MTCH2: variants seen among roughly 807,000 people sequenced by gnomAD.
MTCH2 encodes mitochondrial carrier homolog 2.
A neutral mutation model predicts 50.6 loss-of-function variants in MTCH2; 25 were observed. That is an observed-to-expected ratio of 0.49 (90% CI 0.36 to 0.69). The LOEUF (loss-of-function observed/expected upper bound fraction) is 0.69. Among genes scored for constraint, MTCH2 ranks in the 30% least tolerant of loss-of-function variants. The pLI is 0.00. For synonymous variants in MTCH2, 106 were observed against 132.0 expected (o/e 0.80, Z 1.35); for missense variants, 273 against 384.4 (o/e 0.71, Z 2.42).
chr11:47,607,441 A>C, the MTCH2 span, among the ~76,000 whole-genome samples: 1 of 152,130 alleles, frequency 6.6e-6, no homozygotes, highest in African/African-American at 2.4e-5. Flanking sequence ...CTCTGAGAAG[A>C]GTGTGGGGGC....
At chr11:47,628,783 G>A (rs983477920) in intron 9 of MTCH2, among the ~76,000 whole-genome samples, 170 bp downstream of exon 9, 24 of 152,068 alleles carry the variant, frequency 1.6e-4, no homozygotes, top group Admixed American at 4.6e-4. Flanking sequence ...TCACCATGTT[G>A]GCCAGGCTGG....
At position 47,618,528 on chromosome 11, in the gene MTCH2, C is replaced by A. The variant is rs1183526583; in HGVS notation, c.*305G>T. ...CATTTTACAAAGCCTTAAATTGAGACTCAAAAATCACATGACAAAGTGCCT... is the reference window on the plus strand; with the variant it reads ...CATTTTACAAAGCCTTAAATTGAGAATCAAAAATCACATGACAAAGTGCCT... On this transcript the variant is annotated 3_prime_UTR_variant, in exon 13 of 13. Transcript: ENST00000302503. 3 of 316,500 alleles carry A rather than the reference C, an allele frequency of 9.5e-6. No homozygotes were observed. Among genetic ancestry groups the A allele is most frequent in the Admixed American group, 5.0e-5 (1 of 19,952 alleles). 19.6% of individuals were successfully genotyped at this position (316,500 alleles called of 1,614,324 possible). A position where few individuals can be genotyped will look rare whatever the true frequency, so the allele number is the denominator to read the frequency against.
At chr11:47,631,787 A>C in intron 5 of MTCH2, 76 bp from the exon 6 acceptor site, 1 of 1,479,730 alleles carries the variant, frequency 6.8e-7, no homozygotes, top group Non-Finnish European at 9.4e-7. Flanking sequence ...ATGTGGGTGG[A>C]TATCGTGGTA....
At chr11:47,637,367 T>C (rs1481867526) in intron 3 of MTCH2, among the ~76,000 whole-genome samples, 12 of 152,184 alleles carry the variant, frequency 7.9e-5, no homozygotes, top group African/African-American at 1.7e-4. Flanking sequence ...GGAAAACGCA[T>C]GACCAATACC....
chr11:47,631,815 T>A (rs972848208), intron 5 of MTCH2, 104 bp from the exon 6 acceptor site: 19 of 1,177,968 alleles, frequency 1.6e-5, no homozygotes, highest in Non-Finnish European at 2.1e-5. Flanking sequence ...AGAAAGTGAA[T>A]GACACAGCCC....
chr11:47,614,637 G>A (rs188308537), downstream of MTCH2, among the ~76,000 whole-genome samples: 3 of 151,982 alleles, frequency 2.0e-5, no homozygotes, highest in South Asian at 2.1e-4. Flanking sequence ...GCCGGAGTAC[G>A]TTGGCGCAAC....
At chr11:47,609,461 A>C in the MTCH2 span, among the ~76,000 whole-genome samples, 1 of 144,198 alleles carries the variant, frequency 6.9e-6, no homozygotes, top group African/African-American at 2.5e-5. Flanking sequence ...CTGTATCAAA[A>C]AAAAAAAAAA....
rs186199064 is a variant in MTCH2 at position 47,621,682 on chromosome 11, G to A, written c.825+1019C>T. 1.1e-3 allele frequency among the ~76,000 whole-genome samples: 167 copies of A among 152,098 alleles called. 1 individual carries two copies. Among genetic ancestry groups the A allele is most frequent in the Middle Eastern group, 3.4e-3 (1 of 294 alleles). On this transcript the variant is annotated intron_variant, in intron 12 of 12. Transcript: ENST00000302503. ...ACTCCTGACCTCAAGTGATCTGCCC[G>A]CCTTGGCCTCCCAAAGTGCTGGGAT...
At chr11:47,615,275 T>C (rs2097287722), downstream of MTCH2, among the ~76,000 whole-genome samples, 2 of 152,156 alleles carry the variant, frequency 1.3e-5, no homozygotes, top group Non-Finnish European at 2.9e-5. Flanking sequence ...TGGCCTGTTT[T>C]AAAGGACTAA....
intron 4 of MTCH2, 45 bp from the exon 5 acceptor site, chr11:47,634,779 T>TTC (rs1319480518): frequency 2.8e-6 from 4 of 1,426,246 alleles, no homozygotes; most frequent in Non-Finnish European, 3.8e-6. Flanking sequence ...ATTTTTTTTT[T>TTC]TTTTTTTTTT....
chr11:47,617,135 G>A (rs1352921283), downstream of MTCH2, among the ~76,000 whole-genome samples: 3 of 152,188 alleles, frequency 2.0e-5, no homozygotes, highest in African/African-American at 4.8e-5. Context: ...GACTGAAACA[G>A]CTGGACTAGT....
intron 12 of MTCH2, among the ~76,000 whole-genome samples, chr11:47,622,482 T>C (rs979967248): frequency 6.6e-6 from 1 of 152,180 alleles, no homozygotes; most frequent in South Asian, 2.1e-4. Context: ...TTCTTTCTTC[T>C]TCATTACTCC....
intron 3 of MTCH2, among the ~76,000 whole-genome samples, chr11:47,636,159 T>C (rs1598852461): frequency 6.7e-6 from 1 of 149,198 alleles, no homozygotes; most frequent in Admixed American, 6.7e-5. Flanking sequence ...GAAGGCTGGG[T>C]GCGGTAGCTC....
intron 1 of MTCH2, among the ~76,000 whole-genome samples, chr11:47,640,743 T>G (rs534629672): frequency 1.3e-5 from 2 of 152,020 alleles, no homozygotes; most frequent in Admixed American, 1.3e-4. Flanking sequence ...CAACTGAGCA[T>G]TTGGGAATTT....
Position 47,628,972 on chromosome 11 carries a change from G to A in MTCH2, c.614C>T (p.Thr205Ile). ...ACCTACCCCACTGTCCAGTGCATAG[G>A]TATTGACGAGGTAGGCCAGTGAGTT... ...LCNSLAYLVN[T>I]YALDSGVSTM... The change falls in exon 9 of 13, where the codon ACC becomes ATC. Residue 205 changes from threonine to isoleucine, a missense_variant. Thr to Ile is a moderately conservative substitution (Grantham distance 89). This residue lies in a region of MTCH2 where 70 missense variants were observed against 140.1 expected (regional missense o/e 0.50). Coordinates refer to ENST00000302503, the MANE Select transcript of MTCH2 (RefSeq NM_014342.4). The A allele has an allele frequency of 1.2e-6, 2 of 1,613,872 alleles. No homozygotes were observed. Among genetic ancestry groups the A allele is most frequent in the Non-Finnish European group, 1.7e-6 (2 of 1,179,886 alleles).
At chr11:47,635,668 G>A (rs946325546) in intron 3 of MTCH2, 97 bp from the exon 4 acceptor site, 7 of 1,206,888 alleles carry the variant, frequency 5.8e-6, no homozygotes, top group African/African-American at 4.7e-5. Context: ...TAAATTAGCT[G>A]AAGTTTTTTT....
chr11:47,606,435 C>T, the MTCH2 span, among the ~76,000 whole-genome samples: 1 of 152,176 alleles, frequency 6.6e-6, no homozygotes, highest in African/African-American at 2.4e-5. Context: ...CGGACTTCAC[C>T]TTTCCTTCCG....
chr11:47,627,051 GAAGGTTAA>G, intron 10 of MTCH2, 21 bp downstream of exon 10: 1 of 1,525,816 alleles, frequency 6.6e-7, no homozygotes, highest in Non-Finnish European at 9.0e-7. Context: ...ACTATTCCTA[GAAGGTTAA>G]AAGGATTTTA....
At chr11:47,634,769 ATTTTTTTT>A in intron 4 of MTCH2, 35 bp from the exon 5 acceptor site, 17 of 739,344 alleles carry the variant, frequency 2.3e-5, no homozygotes, top group Admixed American at 3.4e-5. Context: ...AGAGATCTTG[ATTTTTTTT>A]TTTTTTTTTT....
Sources: gnomAD v4.1 joint callset for allele counts (sites outside exome capture counted in the v4.1 genomes callset) on GRCh38, gnomAD v4.1.1 for gene constraint, gnomAD v4.1.1 regional missense constraint, MANE v1.5 for transcripts, NCBI Gene and HGNC (gene_info 2026-07-23, HGNC 2026-07-21) for gene names.